Variants in STAU2 observed in about 807,000 individuals in gnomAD.
STAU2 encodes staufen double-stranded RNA binding protein 2, also known as double-stranded RNA-binding protein Staufen homolog 2.
A neutral mutation model predicts 65.9 loss-of-function variants in STAU2; 20 were observed. The ratio of observed to expected loss-of-function variants is 0.30; its 90% CI spans 0.21 to 0.44. The LOEUF is 0.44. STAU2 is among the 20% of genes least tolerant of loss of function. STAU2 has a pLI of 1.00. For synonymous variants in STAU2, 232 were observed against 233.9 expected, an observed-to-expected ratio of 0.99 and a Z score of 0.07; for missense variants, 558 against 683.9, an observed-to-expected ratio of 0.82 and a Z score of 2.05.
chr8:73,426,676 T>C (rs1448968397), intron 13 of STAU2, among the ~76,000 whole-genome samples: 1 of 152,224 alleles, frequency 6.6e-6, no homozygotes, highest in East Asian at 1.9e-4. Flanking sequence ...TTCCATTGTA[T>C]ACATATACCA....
At chr8:73,474,415 G>A (rs1009240097) in intron 13 of STAU2, among the ~76,000 whole-genome samples, 2 of 152,192 alleles carry the variant, frequency 1.3e-5, no homozygotes, top group African/African-American at 4.8e-5. Context: ...TAAGGAAAGA[G>A]CGCTAGAAAA....
chr8:73,450,355 C>T (rs1213953201), intron 13 of STAU2, among the ~76,000 whole-genome samples: 1 of 152,108 alleles, frequency 6.6e-6, no homozygotes, highest in Non-Finnish European at 1.5e-5. Flanking sequence ...AACTATTCTT[C>T]TGTGAAGAGG....
At chr8:73,592,813 C>T (rs200058386) in intron 11 of STAU2, among the ~76,000 whole-genome samples, 20 of 152,190 alleles carry the variant, frequency 1.3e-4, no homozygotes, top group East Asian at 1.2e-3. Flanking sequence ...AAGCCAAGAT[C>T]GCACCACTGC....
At chr8:73,564,621 T>C (rs1054922736) in intron 12 of STAU2, among the ~76,000 whole-genome samples, 2 of 151,924 alleles carry the variant, frequency 1.3e-5, no homozygotes, top group Non-Finnish European at 2.9e-5. Context: ...ACAGTTTACC[T>C]ACATAACAAA....
chr8:73,637,463 T>TTAAAAAAAAAAAA (rs1563473627), intron 6 of STAU2, among the ~76,000 whole-genome samples: 1 of 56,586 alleles, frequency 1.8e-5, no homozygotes, highest in African/African-American at 6.1e-5. Context: ...AAAGTCTTTA[T>TTAAAAAAAAAAAA]AAAGTGCTGA....
At chr8:73,735,239 C>A (rs1218410500) in intron 3 of STAU2, among the ~76,000 whole-genome samples, 1 of 152,166 alleles carries the variant, frequency 6.6e-6, no homozygotes, top group Admixed American at 6.5e-5. Flanking sequence ...CCCCTTTACA[C>A]ATTTACCTTG....
chr8:73,738,296 A>T lies in STAU2; in HGVS notation c.-30T>A. On this transcript the variant is annotated 5_prime_UTR_variant, in exon 3 of 15. Coordinates refer to ENST00000524300, the MANE Select transcript of STAU2 (RefSeq NM_001164380.2). ...AACACAAACTCACCTGATTTATTTG[A>T]AGCATGTTAAGACAATATTGACCAA... 6.2e-7 allele frequency: 1 copy of T among 1,609,828 alleles called. No homozygotes were observed. The highest frequency in any genetic ancestry group is 8.5e-7 in the Non-Finnish European group (1 of 1,178,680).
intron 6 of STAU2, among the ~76,000 whole-genome samples, chr8:73,650,817 A>T (rs1182055183): frequency 6.6e-6 from 1 of 152,226 alleles, no homozygotes; most frequent in Non-Finnish European, 1.5e-5. Context: ...GTTCCAAAAG[A>T]AAGTTTCCTT....
intron 4 of STAU2, among the ~76,000 whole-genome samples, chr8:73,693,366 T>A (rs562514264): frequency 5.3e-5 from 8 of 151,008 alleles, no homozygotes; most frequent in African/African-American, 1.9e-4. Context: ...TCCCAGCTAC[T>A]CGGGAGGCTG....
chr8:73,440,645 CGCACCCCTGTGT>C (rs998010626), intron 13 of STAU2: 2 of 151,202 alleles, frequency 1.3e-5, no homozygotes, highest in Non-Finnish European at 1.5e-5. Context: ...CTTCCTAACT[CGCACCCCTGTGT>C]GCATCCCTGT....
chr8:73,443,154 C>T (rs1818285843), intron 13 of STAU2, among the ~76,000 whole-genome samples: 1 of 152,090 alleles, frequency 6.6e-6, no homozygotes, highest in Admixed American at 6.5e-5. Flanking sequence ...TGTTTTTCCT[C>T]TAGCATCTGG....
intron 6 of STAU2, among the ~76,000 whole-genome samples, chr8:73,626,760 T>C (rs1396640351): frequency 6.6e-6 from 1 of 152,198 alleles, no homozygotes; most frequent in African/African-American, 2.4e-5. Flanking sequence ...TTGCCAAGCA[T>C]CGCTGCTCAT....
intron 5 of STAU2, among the ~76,000 whole-genome samples, chr8:73,675,914 T>C (rs1818003265): frequency 6.6e-6 from 1 of 152,132 alleles, no homozygotes; most frequent in South Asian, 2.1e-4. Flanking sequence ...TTAAGAAATA[T>C]ACATTGAAAT....
At chr8:73,732,287 G>T (rs1392617799) in intron 3 of STAU2, among the ~76,000 whole-genome samples, 1 of 152,204 alleles carries the variant, frequency 6.6e-6, no homozygotes, top group African/African-American at 2.4e-5. Context: ...TCCAAGGTTG[G>T]GGGTAGTGAG....
rs1464035606 is a variant in STAU2, at chr8:73,474,645, G to T, written c.1531-51943C>A. Among the ~76,000 whole-genome samples, 3 of 151,986 alleles carry T rather than the reference G, an allele frequency of 2.0e-5. No individual in the cohort carries two copies. The East Asian group carries it at 5.8e-4, about 29-fold the overall frequency. ...TTCATCTTAATGGGTGTGTCTTTTA[G>T]GGGAGGAAGAAAAAAAAAAGTAGGC... is the stretch of plus-strand genomic sequence containing the variant. On this transcript the variant is annotated intron_variant, in intron 13 of 14. Coordinates refer to ENST00000524300, the MANE Select transcript of STAU2 (RefSeq NM_001164380.2).
intron 13 of STAU2, among the ~76,000 whole-genome samples, chr8:73,465,972 C>T (rs1193512847): frequency 2.6e-5 from 4 of 152,176 alleles, no homozygotes; most frequent in East Asian, 1.9e-4. Flanking sequence ...CACGCCACCA[C>T]GCCCAGCTAA....
chr8:73,687,967 G>T (rs868668192), intron 5 of STAU2, among the ~76,000 whole-genome samples: 1 of 151,642 alleles, frequency 6.6e-6, no homozygotes, highest in Non-Finnish European at 1.5e-5. Flanking sequence ...ACCTGCCTCG[G>T]CCTCCCAAAG....
chr8:73,496,499 G>A (rs1310481470), intron 13 of STAU2, among the ~76,000 whole-genome samples: 1 of 151,736 alleles, frequency 6.6e-6, no homozygotes, highest in Non-Finnish European at 1.5e-5. Flanking sequence ...TTTATAAGTT[G>A]TACATGTTTA....
intron 13 of STAU2, among the ~76,000 whole-genome samples, chr8:73,508,461 C>A (rs1247025973): frequency 6.6e-6 from 1 of 152,110 alleles, no homozygotes; most frequent in East Asian, 1.9e-4. Flanking sequence ...TGATTTGTGG[C>A]ACCCTAAAAC....
Sources: gnomAD v4.1 joint callset for allele counts (sites outside exome capture counted in the v4.1 genomes callset) on GRCh38, gnomAD v4.1.1 for gene constraint, MANE v1.5 for transcripts, NCBI Gene and HGNC (gene_info 2026-07-23, HGNC 2026-07-21) for gene names.